TNRC6B: variants seen among roughly 807,000 people sequenced by gnomAD.
TNRC6B encodes the protein trinucleotide repeat-containing gene 6B protein.
Under a neutral mutation model 203.6 loss-of-function variants are expected in TNRC6B, and 52 were observed. The ratio of observed to expected loss-of-function variants is 0.26; its 90% confidence interval spans 0.20 to 0.32. The LOEUF (loss-of-function observed/expected upper bound fraction) is 0.32, where lower values mean the gene tolerates loss of function less well. TNRC6B is among the 10% of genes least tolerant of loss of function. TNRC6B has a pLI of 1.00. For synonymous variants in TNRC6B, 838 were observed against 845.7 expected (o/e 0.99, Z 0.16); for missense variants, 1,923 against 2,286.2 (o/e 0.84, Z 3.24).
At chr22:40,138,084 C>A (rs934582403) in intron 3 of TNRC6B, among the ~76,000 whole-genome samples, 3 of 151,870 alleles carry the variant, frequency 2.0e-5, no homozygotes, top group Non-Finnish European at 4.4e-5. Flanking sequence ...AGTTAGGAGT[C>A]CCCTCAGGAA....
intron 1 of TNRC6B, among the ~76,000 whole-genome samples, chr22:40,066,887 TTTTC>T (rs1168709070): frequency 6.6e-6 from 1 of 151,246 alleles, no homozygotes; most frequent in East Asian, 1.9e-4. Context: ...TGGAAGCTTC[TTTTC>T]TTTTTTTTTT....
intron 4 of TNRC6B, among the ~76,000 whole-genome samples, chr22:40,163,489 A>C (rs2068890358): frequency 3.2e-5 from 4 of 123,202 alleles, no homozygotes; most frequent in Non-Finnish European, 3.3e-5. Flanking sequence ...AAGGCCAGGC[A>C]CGGTGGCTCA....
At chr22:40,285,913 C>A (rs566920446) in intron 12 of TNRC6B, 143 bp downstream of exon 12, 1 of 1,128,942 alleles carries the variant, frequency 8.9e-7, no homozygotes, top group Non-Finnish European at 1.2e-6. Context: ...GACCTTTTGG[C>A]TAAGATCAAG....
intron 4 of TNRC6B, among the ~76,000 whole-genome samples, chr22:40,158,352 A>C (rs1016843012): frequency 4.2e-5 from 6 of 141,812 alleles, no homozygotes; most frequent in African/African-American, 1.7e-4. Context: ...ATAAATAAAT[A>C]AATAAATAAA....
At chr22:40,073,414 G>T (rs1201488707) in intron 1 of TNRC6B, among the ~76,000 whole-genome samples, 2 of 152,068 alleles carry the variant, frequency 1.3e-5, no homozygotes, top group South Asian at 4.1e-4. Flanking sequence ...GAAACTGTTG[G>T]GGGTGGATTA....
chr22:40,113,591 A>G (rs753376793), intron 1 of TNRC6B, among the ~76,000 whole-genome samples: 1 of 152,216 alleles, frequency 6.6e-6, no homozygotes, highest in Non-Finnish European at 1.5e-5. Context: ...TCGTGAGCTC[A>G]ATCAATCTGC....
chr22:40,226,609 C>A (rs1301857858), intron 1 of TNRC6B, among the ~76,000 whole-genome samples: 1 of 152,184 alleles, frequency 6.6e-6, no homozygotes, highest in Non-Finnish European at 1.5e-5. Context: ...TTACAAGTCT[C>A]CTCCAATCTT....
At chr22:40,050,111 T>C (rs1179137366) in intron 1 of TNRC6B, among the ~76,000 whole-genome samples, 1 of 152,178 alleles carries the variant, frequency 6.6e-6, no homozygotes, top group Non-Finnish European at 1.5e-5. Context: ...AACTCTGTTA[T>C]TTCAAACCTG....
At chr22:40,098,720 T>G (rs960727741) in intron 1 of TNRC6B, among the ~76,000 whole-genome samples, 5 of 152,074 alleles carry the variant, frequency 3.3e-5, no homozygotes, top group Non-Finnish European at 5.9e-5. Context: ...TCATATTTCT[T>G]TAATTTTTTT....
intron 6 of TNRC6B, among the ~76,000 whole-genome samples, chr22:40,271,566 A>G (rs2070563584): frequency 6.6e-6 from 1 of 152,206 alleles, no homozygotes; most frequent in South Asian, 2.1e-4. Flanking sequence ...CTATTGTGAA[A>G]TCAGTCGTAT....
rs1323497430 is a variant in TNRC6B, at chr22:40,315,466, C to G, written c.4862C>G (p.Ser1621Ter). ...SSPWSSTAPR[S>*]VRGWGTQDSR... is the part of the protein sequence containing the mutation. Reference sequence around the variant, plus strand: ...CCCTGGAGCAGCACAGCACCCCGATCAGTCAGGGGGTGGGGGACACAGGAC... The same window carrying G: ...CCCTGGAGCAGCACAGCACCCCGATGAGTCAGGGGGTGGGGGACACAGGAC... The change falls in exon 20 of 23, where the codon TCA becomes TGA. Residue 1621 changes from serine to a stop codon, truncating the protein, a stop_gained. Transcript: ENST00000454349. LOFTEE classifies it high-confidence loss of function. The G allele has an allele frequency of 6.2e-7, 1 of 1,613,904 alleles. No homozygotes were observed. Among genetic ancestry groups the G allele is most frequent in the Non-Finnish European group, 8.5e-7 (1 of 1,179,894 alleles).
At chr22:40,273,276 T>A (rs1316727367) in intron 6 of TNRC6B, 149 bp from the exon 7 acceptor site, 2 of 733,526 alleles carry the variant, frequency 2.7e-6, no homozygotes, top group African/African-American at 1.8e-5. Context: ...TCCTGCTCTC[T>A]AAAAAATGAG....
intron 2 of TNRC6B, among the ~76,000 whole-genome samples, chr22:40,248,289 T>G (rs2070137236): frequency 6.6e-6 from 1 of 152,182 alleles, no homozygotes; most frequent in African/African-American, 2.4e-5. Context: ...GATGTGAGAT[T>G]AAACCTCAGT....
rs1417164740 is a variant in TNRC6B at position 40,327,032 on chromosome 22, T to C, written c.*3791T>C. 1.3e-5 allele frequency: 2 copies of C among 152,614 alleles called. No homozygotes were observed. The highest frequency in any genetic ancestry group is 2.9e-5 in the Non-Finnish European group (2 of 68,024). The allele number at this position is 152,614 out of a possible 1,614,324, so 9.5% of individuals were successfully genotyped here. On this transcript the variant is annotated 3_prime_UTR_variant, in exon 23 of 23. Coordinates refer to ENST00000454349, the MANE Select transcript of TNRC6B (RefSeq NM_001162501.2). ...CAGTTTTTGGTGATGTTGAATTCTT[T>C]TGTATTCCCTCCTGGGGCCAGGGGT...
At chr22:40,285,914 TA>T in intron 12 of TNRC6B, 144 bp downstream of exon 12, 1 of 1,074,956 alleles carries the variant, frequency 9.3e-7, no homozygotes, top group African/African-American at 1.6e-5. Context: ...ACCTTTTGGC[TA>T]AGATCAAGTA....
chr22:40,270,541 A>G (rs1001294486), intron 6 of TNRC6B, among the ~76,000 whole-genome samples: 4 of 151,894 alleles, frequency 2.6e-5, no homozygotes, highest in African/African-American at 7.3e-5. Context: ...GCTGGTCTTG[A>G]ACTCCTGTCC....
chr22:40,313,817 G>A (rs146040150), intron 19 of TNRC6B, among the ~76,000 whole-genome samples: 2 of 152,326 alleles, frequency 1.3e-5, no homozygotes, highest in Non-Finnish European at 2.9e-5. Context: ...CAGGCATCAT[G>A]CTAAACCTTC....
intron 1 of TNRC6B, among the ~76,000 whole-genome samples, chr22:40,075,029 T>G (rs2067994022): frequency 6.6e-6 from 1 of 151,536 alleles, no homozygotes; most frequent in Non-Finnish European, 1.5e-5. Context: ...TTGTATGGTC[T>G]TCTTTGTGAA....
At chr22:40,230,238 T>C (rs2069848674) in intron 1 of TNRC6B, among the ~76,000 whole-genome samples, 1 of 151,986 alleles carries the variant, frequency 6.6e-6, no homozygotes, top group African/African-American at 2.4e-5. Context: ...GCCACATGTA[T>C]GTCTTCTCTG....
Sources: gnomAD v4.1 joint callset for allele counts (sites outside exome capture counted in the v4.1 genomes callset) on GRCh38, gnomAD v4.1.1 for gene constraint, MANE v1.5 for transcripts, NCBI Gene and HGNC (gene_info 2026-07-23, HGNC 2026-07-21) for gene names.